The following CFAP299 variants were observed in gnomAD, a reference collection of about 807,000 sequenced individuals.
CFAP299 encodes cilia- and flagella-associated protein 299.
CFAP299 carries 21 observed loss-of-function variants against 27.0 expected under a neutral mutation model. That is an observed-to-expected ratio of 0.78 (90% CI 0.55 to 1.12). The LOEUF (loss-of-function observed/expected upper bound fraction) is 1.12. Among genes scored for constraint, CFAP299 ranks in the 50% most tolerant of loss-of-function variants. The probability of loss-of-function intolerance (pLI) is 0.00; values close to 1 mark genes in which losing one functional copy is unlikely to be tolerated. For synonymous variants in CFAP299, 104 were observed against 98.1 expected (o/e 1.06, Z -0.36); for missense variants, 310 against 276.6 (o/e 1.12, Z -0.86).
chr4:80,348,086 T>G (rs1269329356), intron 1 of CFAP299, among the ~76,000 whole-genome samples: 2 of 152,190 alleles, frequency 1.3e-5, no homozygotes, highest in Admixed American at 6.5e-5. Context: ...GAGAACTGGT[T>G]AGTTATATGC....
chr4:80,691,510 C>T (rs934854848), intron 3 of CFAP299, among the ~76,000 whole-genome samples: 1 of 152,300 alleles, frequency 6.6e-6, no homozygotes, highest in South Asian at 2.1e-4. Context: ...ATGCTAAAAA[C>T]TCTCAATAAA....
intron 2 of CFAP299, among the ~76,000 whole-genome samples, chr4:80,580,344 G>A (rs879279002): frequency 1.1e-4 from 16 of 151,982 alleles, no homozygotes; most frequent in Admixed American, 2.6e-4. Flanking sequence ...GGCAAAGAGC[G>A]TGGAAAAGAC....
At chr4:80,407,250 C>T (rs530694581) in intron 2 of CFAP299, among the ~76,000 whole-genome samples, 38 of 152,200 alleles carry the variant, frequency 2.5e-4, no homozygotes, top group African/African-American at 7.9e-4. Flanking sequence ...CAGTTATCTA[C>T]GGTCATGAAA....
chr4:80,434,510 G>A (rs1036299245), intron 2 of CFAP299, among the ~76,000 whole-genome samples: 6 of 152,188 alleles, frequency 3.9e-5, no homozygotes, highest in Admixed American at 3.3e-4. Flanking sequence ...TAAAAGTGCT[G>A]ATGAGTCATA....
chr4:80,878,979 C>T (rs1351346702), intron 4 of CFAP299, among the ~76,000 whole-genome samples: 1 of 152,016 alleles, frequency 6.6e-6, no homozygotes, highest in Non-Finnish European at 1.5e-5. Context: ...AACTTGAGGA[C>T]ATTAAATAAA....
intron 3 of CFAP299, among the ~76,000 whole-genome samples, chr4:80,674,250 G>A (rs573724486): frequency 6.6e-6 from 1 of 152,134 alleles, no homozygotes; most frequent in Non-Finnish European, 1.5e-5. Flanking sequence ...TTGCTTGTCT[G>A]TAAAGGATTT....
chr4:80,478,146 A>G (rs1730372801), intron 2 of CFAP299, among the ~76,000 whole-genome samples: 1 of 152,214 alleles, frequency 6.6e-6, no homozygotes. Context: ...CATAACTTAA[A>G]TTGTGATAAA....
At chr4:80,929,725 G>A (rs1380801459) in intron 4 of CFAP299, among the ~76,000 whole-genome samples, 1 of 152,034 alleles carries the variant, frequency 6.6e-6, no homozygotes, top group Non-Finnish European at 1.5e-5. Flanking sequence ...TGCCAGGATG[G>A]ACCAGGAACT....
intron 3 of CFAP299, among the ~76,000 whole-genome samples, chr4:80,788,223 A>G (rs993079240): frequency 2.6e-5 from 4 of 152,070 alleles, no homozygotes; most frequent in African/African-American, 4.8e-5. Context: ...AAGGCAAAGA[A>G]TCTGGTCTTA....
At chr4:80,436,548 C>T (rs139765128) in intron 2 of CFAP299, among the ~76,000 whole-genome samples, 3,036 of 152,188 alleles carry the variant, frequency 0.02, 54 homozygotes, top group Admixed American at 0.06. Flanking sequence ...ATGATCCACC[C>T]GCCTTGGCCT....
upstream of CFAP299, among the ~76,000 whole-genome samples, chr4:80,331,661 C>T (rs114276106): frequency 2.6e-3 from 393 of 152,178 alleles, 1 homozygote; most frequent in African/African-American, 8.8e-3. Context: ...AGGAGAGGAA[C>T]CTGTGTGTTG....
intron 2 of CFAP299, among the ~76,000 whole-genome samples, chr4:80,418,235 A>G (rs1727113047): frequency 6.6e-6 from 1 of 152,020 alleles, no homozygotes; most frequent in Non-Finnish European, 1.5e-5. Flanking sequence ...AAGCCCCACT[A>G]TTCTATGGCT....
chr4:80,360,630 A>G (rs1723494471), intron 1 of CFAP299, among the ~76,000 whole-genome samples: 1 of 152,222 alleles, frequency 6.6e-6, no homozygotes, highest in Non-Finnish European at 1.5e-5. Flanking sequence ...GAACTTAGTA[A>G]CACTCATTTA....
chr4:80,625,428 C>A (rs921631847), intron 3 of CFAP299, among the ~76,000 whole-genome samples: 1 of 151,866 alleles, frequency 6.6e-6, no homozygotes, highest in African/African-American at 2.4e-5. Flanking sequence ...TGAAGAAAAT[C>A]ACTTAGCTAT....
intron 3 of CFAP299, among the ~76,000 whole-genome samples, chr4:80,852,614 A>G (rs1223795748): frequency 6.6e-6 from 1 of 152,198 alleles, no homozygotes; most frequent in Non-Finnish European, 1.5e-5. Flanking sequence ...TTGACACTGC[A>G]TTCTATTCAA....
intron 3 of CFAP299, among the ~76,000 whole-genome samples, chr4:80,609,734 C>T (rs1258880864): frequency 4.6e-5 from 7 of 151,712 alleles, no homozygotes; most frequent in African/African-American, 1.7e-4. Flanking sequence ...TTATGTGTAA[C>T]TGTTTTGGTA....
At chr4:80,917,287 A>G (rs1481508102) in intron 4 of CFAP299, among the ~76,000 whole-genome samples, 5 of 152,156 alleles carry the variant, frequency 3.3e-5, no homozygotes, top group African/African-American at 2.4e-5. Flanking sequence ...GGCAAGGAAC[A>G]TAAGTCTGAA....
chr4:80,408,112 C>T (rs187559154), intron 2 of CFAP299, among the ~76,000 whole-genome samples: 158 of 152,182 alleles, frequency 1.0e-3, no homozygotes, highest in African/African-American at 3.5e-3. Flanking sequence ...TGTACATGTC[C>T]CCTAATGCAC....
intron 3 of CFAP299, among the ~76,000 whole-genome samples, chr4:80,606,033 A>T (rs1330921742): frequency 6.6e-6 from 1 of 152,188 alleles, no homozygotes; most frequent in Non-Finnish European, 1.5e-5. Flanking sequence ...GAGAGGCCAC[A>T]TCACTTGCTG....
Sources: allele counts gnomAD v4.1 joint callset (sites outside exome capture counted in the v4.1 genomes callset), GRCh38; gene constraint gnomAD v4.1.1; transcripts MANE v1.5; gene names NCBI Gene and HGNC (gene_info 2026-07-23, HGNC 2026-07-21).